Variants in ATOH8 observed in about 807,000 individuals in gnomAD.
The protein encoded by ATOH8 is atonal bHLH transcription factor 8, also known as transcription factor ATOH8.
In ATOH8, 9 loss-of-function variants were observed where a neutral mutation model predicts 21.2. The ratio of observed to expected loss-of-function variants is 0.42; its 90% CI spans 0.26 to 0.74. The LOEUF (loss-of-function observed/expected upper bound fraction) is 0.74. Among genes scored for constraint, ATOH8 ranks in the 30% least tolerant of loss-of-function variants. The pLI is 0.24. For synonymous variants in ATOH8, 253 were observed against 224.0 expected (o/e 1.13, Z -1.16); for missense variants, 524 against 470.9 (o/e 1.11, Z -1.04).
Position 85,762,837 on chromosome 2 carries a change from G to A in ATOH8, c.769-1154G>A, listed in dbSNP as rs1177616722. On this transcript the variant is annotated intron_variant, in intron 1 of 2. Coordinates refer to ENST00000306279, the MANE Select transcript of ATOH8 (RefSeq NM_032827.7). ...TGTGCTCTGTAGGATGTTTAGCTACGTGCCCACCTCCGTCCCTGCAATGCC... is the reference window on the plus strand; with the variant it reads ...TGTGCTCTGTAGGATGTTTAGCTACATGCCCACCTCCGTCCCTGCAATGCC... Among the ~76,000 whole-genome samples the A allele has an allele frequency of 5.3e-5, 8 of 152,174 alleles. No individual in the cohort carries two copies. In the South Asian group the frequency reaches 6.2e-4, roughly 12 times the overall value.
rs1190174535 is a variant in ATOH8, at chr2:85,754,217, G to A, written c.28G>A (p.Gly10Arg). The A allele has an allele frequency of 3.8e-6, 6 of 1,599,774 alleles. No individual in the cohort carries two copies. The highest frequency in any genetic ancestry group is 2.6e-6 in the Non-Finnish European group (3 of 1,174,760). MKHIPVLED[G>R]PWKTVCVKEL... ...GAAGCACATCCCGGTCCTCGAGGAC[G>A]GGCCGTGGAAGACCGTGTGCGTGAA... Residue 10 changes from glycine to arginine, a missense_variant, in exon 1 of 3, where the codon GGG becomes AGG. By Grantham distance (125) the Gly-to-Arg change is moderately radical. Transcript: ENST00000306279.
In ATOH8 at chr2:85,766,249, T is replaced by C. The variant is rs1680012870; in HGVS notation, c.960+2067T>C. 1.3e-5 allele frequency among the ~76,000 whole-genome samples: 2 copies of C among 152,094 alleles called. No individual in the cohort carries two copies. Among genetic ancestry groups the C allele is most frequent in the South Asian group, 2.1e-4 (1 of 4,824 alleles). ...AGGCTTATCCTATGGGGCTTACTTA[T>C]GTGGTGAAATTGCCCTGGAGAGGGA... On this transcript the variant is annotated intron_variant, in intron 2 of 2. Coordinates refer to ENST00000306279, the MANE Select transcript of ATOH8 (RefSeq NM_032827.7). This position sits in a 1 kb window ranked among gnomAD's most constrained non-coding sequence, Gnocchi z 4.0.
At position 85,763,975 on chromosome 2, in the gene ATOH8, C is replaced by T. The variant is rs763583627; in HGVS notation, c.769-16C>T. 29 of 1,610,738 alleles carry T rather than the reference C, an allele frequency of 1.8e-5. No homozygotes were observed. The highest frequency in any genetic ancestry group is 8.0e-5 in the African/African-American group (6 of 74,818). ...ACTGCGCCCCTGCAGCCCCTCCTGACGCCTTCTCCCCTCAGGTGCCGTGCT... is the reference window on the plus strand; with the variant it reads ...ACTGCGCCCCTGCAGCCCCTCCTGATGCCTTCTCCCCTCAGGTGCCGTGCT... On this transcript the variant is annotated splice_polypyrimidine_tract_variant and intron_variant, in intron 1 of 2. Transcript: ENST00000306279.
Position 85,754,723 on chromosome 2 carries a change from T to G in ATOH8, c.534T>G (p.Thr178=). 1 of 1,612,040 alleles carries G rather than the reference T, an allele frequency of 6.2e-7. No homozygotes were observed. The highest frequency in any genetic ancestry group is 1.3e-5 in the African/African-American group (1 of 75,022). Residue 178 remains threonine, a synonymous_variant, in exon 1 of 3, where the codon ACT becomes ACG. Coordinates refer to ENST00000306279, the MANE Select transcript of ATOH8 (RefSeq NM_032827.7). ...PPAPPAPPES[T]VRPAPPTRPG... ...CACCGCCAGCGCCCCCGGAGTCCAC[T>G]GTGCGCCCTGCGCCCCCGACGCGCC...
Position 85,764,145 on chromosome 2 carries a change from G to C in ATOH8, c.923G>C (p.Arg308Pro). ...TCCGAGTGTGTGCAGCGCTGCACCC[G>C]CACCCTGCAGGCCGAGGGACGTGCC... ...SFSECVQRCT[R>P]TLQAEGRAKK... is the part of the protein sequence containing the mutation. Residue 308 changes from arginine to proline, a missense_variant, in exon 2 of 3, where the codon CGC becomes CCC. Transcript: ENST00000306279. 1 of 1,614,122 alleles carries C rather than the reference G, an allele frequency of 6.2e-7. No individual in the cohort carries two copies. Among genetic ancestry groups the C allele is most frequent in the Non-Finnish European group, 8.5e-7 (1 of 1,180,008 alleles).
At chr2:85,768,496 A>G (rs1465773631) in intron 2 of ATOH8, among the ~76,000 whole-genome samples, 1 of 152,176 alleles carries the variant, frequency 6.6e-6, no homozygotes, top group African/African-American at 2.4e-5. Context: ...AGCAGCTGTG[A>G]TGGCAGTGGT....
intron 1 of ATOH8, among the ~76,000 whole-genome samples, chr2:85,757,714 C>T (rs1679751530): frequency 6.6e-6 from 1 of 152,010 alleles, no homozygotes; most frequent in African/African-American, 2.4e-5. Context: ...TTGCTGACCT[C>T]ATCCAGTGTT....
chr2:85,754,940 G>A lies in ATOH8; in HGVS notation c.751G>A (p.Glu251Lys). The change falls in exon 1 of 3, where the codon GAG becomes AAG. Residue 251 changes from glutamate (E) to lysine (K), a missense_variant. Physicochemically the swap from Glu to Lys is moderately conservative, Grantham distance 56. Coordinates refer to ENST00000306279, the MANE Select transcript of ATOH8 (RefSeq NM_032827.7). ...GGTGCACACCATCAGCGCAGCCTTC[G>A]AGGCGCTCAGGAAGCAGGTACCCGC... ...TRVHTISAAFEALRKQVPCYS... is the reference protein window; with the variant it reads ...TRVHTISAAFKALRKQVPCYS... 1 of 1,596,816 alleles carries A rather than the reference G, an allele frequency of 6.3e-7. No homozygotes were observed.
chr2:85,770,669 A>G (rs1680157145), intron 2 of ATOH8, among the ~76,000 whole-genome samples: 1 of 152,110 alleles, frequency 6.6e-6, no homozygotes, highest in Non-Finnish European at 1.5e-5. Context: ...CTCCCAGGTG[A>G]GCTGAGCTGG....
At chr2:85,779,978 G>A (rs1256890502) in intron 2 of ATOH8, among the ~76,000 whole-genome samples, 2 of 152,224 alleles carry the variant, frequency 1.3e-5, no homozygotes, top group Admixed American at 6.5e-5. Flanking sequence ...CATTCGTGGC[G>A]TAAGGGGATG....
At chr2:85,776,921 C>T (rs1680342710) in intron 2 of ATOH8, among the ~76,000 whole-genome samples, 1 of 152,126 alleles carries the variant, frequency 6.6e-6, no homozygotes, top group Non-Finnish European at 1.5e-5. Context: ...TCCTGCCAGC[C>T]CTGTTCCTGC....
intron 2 of ATOH8, chr2:85,774,609 C>G (rs1680275385): frequency 1.0e-6 from 1 of 985,488 alleles, no homozygotes; most frequent in Non-Finnish European, 1.2e-6. Flanking sequence ...CCCACCAGAG[C>G]CCCTCCTGGC....
At position 85,786,869 on chromosome 2, in the gene ATOH8, T is replaced by C. The variant is rs914884737; in HGVS notation, c.961-16T>C. 5 of 1,613,968 alleles carry C rather than the reference T, an allele frequency of 3.1e-6. No homozygotes were observed. In the African/African-American group the frequency reaches 5.3e-5, roughly 17 times the overall value. ...TGGAGCAGGGGCAGCTTTTAATGGC[T>C]GGTCATGTCTTTCAGGAGTGACTGG... On this transcript the variant is annotated splice_polypyrimidine_tract_variant and intron_variant, in intron 2 of 2. Coordinates refer to ENST00000306279, the MANE Select transcript of ATOH8 (RefSeq NM_032827.7).
chr2:85,759,520 G>T (rs1321506104), intron 1 of ATOH8, among the ~76,000 whole-genome samples: 1 of 152,136 alleles, frequency 6.6e-6, no homozygotes, highest in East Asian at 1.9e-4. Flanking sequence ...CTGTACTGTG[G>T]CCTGTCTGAC....
At chr2:85,772,565 T>C (rs1680215749) in intron 2 of ATOH8, 1 of 383,798 alleles carries the variant, frequency 2.6e-6, no homozygotes, top group South Asian at 2.0e-5. Context: ...GGCCCTCTGC[T>C]GGCACATTCC....
intron 2 of ATOH8, among the ~76,000 whole-genome samples, chr2:85,770,065 C>T (rs927099987): frequency 6.6e-6 from 1 of 152,210 alleles, no homozygotes; most frequent in African/African-American, 2.4e-5. Context: ...GTTGGGACCT[C>T]AGGGCGGTTT....
intron 1 of ATOH8, among the ~76,000 whole-genome samples, chr2:85,759,040 G>T (rs1458708751): frequency 2.0e-5 from 3 of 152,178 alleles, no homozygotes; most frequent in Non-Finnish European, 4.4e-5. Context: ...GCGGGGCCCC[G>T]GCTTCTGCCG....
At position 85,781,925 on chromosome 2, in the gene ATOH8, C is replaced by T. The variant is rs78843448; in HGVS notation, c.961-4960C>T. Among the ~76,000 whole-genome samples the T allele has an allele frequency of 5.1e-4, 78 of 152,112 alleles. 1 individual carries two copies. The East Asian group carries it at 0.014, about 27-fold the overall frequency. ...AATAAAAATAAAAAAGATGAGGAAA[C>T]TGAGGCTTGGAGAGGTTAAGTATCC... On this transcript the variant is annotated intron_variant, in intron 2 of 2. Coordinates refer to ENST00000306279, the MANE Select transcript of ATOH8 (RefSeq NM_032827.7).
At position 85,754,614 on chromosome 2, in the gene ATOH8, C is replaced by T. The variant is rs750507102; in HGVS notation, c.425C>T (p.Ala142Val). 3.3e-6 allele frequency: 5 copies of T among 1,497,764 alleles called. No homozygotes were observed. Among genetic ancestry groups the T allele is most frequent in the Non-Finnish European group, 4.4e-6 (5 of 1,130,324 alleles). 92.8% of individuals were successfully genotyped at this position (1,497,764 alleles called of 1,614,324 possible). ...AGCCAGGCACCTGGGGGCCCAGAGG[C>T]ACAGCCTTTCCGGGAGCCGGGTCTG... ...PQSQAPGGPE[A>V]QPFREPGLRP... Residue 142 changes from alanine (A) to valine (V), a missense_variant, in exon 1 of 3, where the codon GCA becomes GTA. Coordinates refer to ENST00000306279, the MANE Select transcript of ATOH8 (RefSeq NM_032827.7).
Sources: gnomAD v4.1 joint callset for allele counts (sites outside exome capture counted in the v4.1 genomes callset) on GRCh38, gnomAD v4.1.1 for gene constraint, Gnocchi (gnomAD v3.1) non-coding constraint, MANE v1.5 for transcripts, NCBI Gene and HGNC (gene_info 2026-07-23, HGNC 2026-07-21) for gene names.